Variants in FIG4 observed in about 807,000 individuals in gnomAD.
FIG4 encodes polyphosphoinositide phosphatase.
FIG4 carries 112 observed loss-of-function variants against 118.6 expected under a neutral mutation model. The observed-to-expected ratio is 0.94, with a 90% CI of 0.81 to 1.11. The LOEUF is 1.11. FIG4 is among the 50% of genes least tolerant of loss of function. The probability of loss-of-function intolerance (pLI) is 0.00; values close to 1 mark genes in which losing one functional copy is unlikely to be tolerated. For synonymous variants in FIG4, 369 were observed against 381.2 expected, an observed-to-expected ratio of 0.97 and a Z score of 0.37; for missense variants, 969 against 1,111.7, an observed-to-expected ratio of 0.87 and a Z score of 1.83.
At chr6:109,762,239 T>G in intron 12 of FIG4, 32 bp downstream of exon 12, 1 of 1,318,580 alleles carries the variant, frequency 7.6e-7, no homozygotes, top group East Asian at 2.3e-5. Context: ...TTATAATAAA[T>G]GATGATTTTT....
chr6:109,731,852 A>G (rs1034674770), intron 4 of FIG4, among the ~76,000 whole-genome samples: 3 of 152,218 alleles, frequency 2.0e-5, no homozygotes, highest in Non-Finnish European at 2.9e-5. Context: ...TTGATTACAA[A>G]GTGAACAAAT....
chr6:109,780,591 G>A (rs1255530437), intron 16 of FIG4, among the ~76,000 whole-genome samples: 5 of 152,216 alleles, frequency 3.3e-5, no homozygotes, highest in African/African-American at 9.6e-5. Flanking sequence ...ATAAAGTCTG[G>A]AAACTTAGAT....
chr6:109,732,245 T>C (rs1444498142), intron 4 of FIG4, among the ~76,000 whole-genome samples: 1 of 152,240 alleles, frequency 6.6e-6, no homozygotes, highest in Non-Finnish European at 1.5e-5. Context: ...ACTTACCAAC[T>C]TAAAATTGTG....
At chr6:109,754,539 G>T (rs574861330) in intron 10 of FIG4, among the ~76,000 whole-genome samples, 43 of 152,258 alleles carry the variant, frequency 2.8e-4, no homozygotes, top group African/African-American at 1.0e-3. Context: ...TTGTACCTCT[G>T]GTAGAATTTT....
intron 22 of FIG4, among the ~76,000 whole-genome samples, chr6:109,798,970 A>C (rs765146449): frequency 1.6e-4 from 25 of 152,134 alleles, no homozygotes; most frequent in Non-Finnish European, 3.4e-4. Flanking sequence ...AAAATAAGAG[A>C]CTCTATTAAC....
At chr6:109,760,602 A>G (rs1432866596) in intron 11 of FIG4, among the ~76,000 whole-genome samples, 1 of 152,124 alleles carries the variant, frequency 6.6e-6, no homozygotes, top group Non-Finnish European at 1.5e-5. Context: ...ATATTTAGTC[A>G]TTTCAGAACA....
intron 20 of FIG4, 98 bp downstream of exon 20, chr6:109,791,669 C>G: frequency 1.0e-6 from 1 of 965,124 alleles, no homozygotes; most frequent in Non-Finnish European, 1.6e-6. Context: ...AAGAAAATGT[C>G]ACATTATCTC....
intron 6 of FIG4, among the ~76,000 whole-genome samples, chr6:109,737,529 T>C (rs1474152051): frequency 6.6e-6 from 1 of 152,122 alleles, no homozygotes; most frequent in Non-Finnish European, 1.5e-5. Context: ...TGTGGTATAG[T>C]GTATAAACAA....
At chr6:109,824,871 C>T (rs1779112809) in intron 22 of FIG4, among the ~76,000 whole-genome samples, 3 of 152,144 alleles carry the variant, frequency 2.0e-5, no homozygotes, top group Admixed American at 2.0e-4. Context: ...CCTGCCTATG[C>T]AATCAGGTGA....
chr6:109,786,584 C>A, intron 18 of FIG4, 135 bp downstream of exon 18: 1 of 884,570 alleles, frequency 1.1e-6, no homozygotes, highest in Non-Finnish European at 1.9e-6. Context: ...TTGAATACCT[C>A]CTGTGATGGG....
intron 10 of FIG4, among the ~76,000 whole-genome samples, chr6:109,753,876 C>G (rs1418072755): frequency 2.0e-5 from 3 of 152,196 alleles, no homozygotes; most frequent in Non-Finnish European, 2.9e-5. Context: ...ACAATCATGT[C>G]ATCTGCAAAC....
At chr6:109,771,250 A>G (rs1480357063) in intron 15 of FIG4, among the ~76,000 whole-genome samples, 2 of 152,146 alleles carry the variant, frequency 1.3e-5, no homozygotes, top group Non-Finnish European at 2.9e-5. Context: ...AAAAGTTTGT[A>G]ATTTATTACT....
chr6:109,741,565 T>A, intron 8 of FIG4, 21 bp downstream of exon 8: 1 of 1,392,984 alleles, frequency 7.2e-7, no homozygotes, highest in South Asian at 1.2e-5. Flanking sequence ...AAACAGTATC[T>A]TCACTGACCT....
At chr6:109,751,719 T>C (rs1203498471) in intron 10 of FIG4, among the ~76,000 whole-genome samples, 1 of 152,038 alleles carries the variant, frequency 6.6e-6, no homozygotes, top group East Asian at 1.9e-4. Context: ...TTTATAGTAA[T>C]CTCTGGTGGT....
Position 109,743,151 on chromosome 6 carries a change from C to T in FIG4, c.918C>T (p.Cys306=), listed in dbSNP as rs369159531. Residue 306 remains cysteine (C), a synonymous_variant, in exon 9 of 23, where the codon TGC becomes TGT. Transcript: ENST00000230124. ...ANEVETEQIL[C]DASVMSFTAG... ...AAGTGGAGACTGAACAAATACTCTGCGATGCTTCTGTGATGTCTTTCACTG... is the reference window on the plus strand; with the variant it reads ...AAGTGGAGACTGAACAAATACTCTGTGATGCTTCTGTGATGTCTTTCACTG... 4.0e-5 allele frequency: 64 copies of T among 1,612,666 alleles called. No individual in the cohort carries two copies. Among genetic ancestry groups the T allele is most frequent in the East Asian group, 2.9e-4 (13 of 44,802 alleles).
chr6:109,818,845 C>T (rs779952916), intron 22 of FIG4, among the ~76,000 whole-genome samples: 24 of 152,174 alleles, frequency 1.6e-4, no homozygotes, highest in Admixed American at 5.9e-4. Context: ...GAGTACAAGT[C>T]GCAGGTAGAA....
chr6:109,721,409 G>T (rs1316575196), intron 3 of FIG4, among the ~76,000 whole-genome samples: 1 of 152,088 alleles, frequency 6.6e-6, no homozygotes, highest in Non-Finnish European at 1.5e-5. Context: ...CCCCATACAG[G>T]ATATTACACT....
At position 109,732,870 on chromosome 6, in the gene FIG4, T is replaced by A. The variant is rs1462581404; in HGVS notation, c.497+183T>A. ...AAAATCTTATATTTGAAAATCCAAATGGATAAATTAAAGGATATTTATTCA... is the reference window on the plus strand; with the variant it reads ...AAAATCTTATATTTGAAAATCCAAAAGGATAAATTAAAGGATATTTATTCA... On this transcript the variant is annotated intron_variant, in intron 5 of 22. Coordinates refer to ENST00000230124, the MANE Select transcript of FIG4 (RefSeq NM_014845.6). 3.3e-5 allele frequency among the ~76,000 whole-genome samples: 5 copies of A among 152,126 alleles called. No homozygotes were observed. In the East Asian group the frequency reaches 9.6e-4, roughly 29 times the overall value.
chr6:109,730,300 C>T (rs1775958046), intron 4 of FIG4, among the ~76,000 whole-genome samples: 1 of 152,128 alleles, frequency 6.6e-6, no homozygotes, highest in East Asian at 1.9e-4. Context: ...TCTCCCACCT[C>T]GGCCTCCCAA....
Sources: gnomAD v4.1 joint callset for allele counts (sites outside exome capture counted in the v4.1 genomes callset) on GRCh38, gnomAD v4.1.1 for gene constraint, MANE v1.5 for transcripts, NCBI Gene and HGNC (gene_info 2026-07-23, HGNC 2026-07-21) for gene names.